CNTNAP2: variants seen among roughly 807,000 people sequenced by gnomAD.
CNTNAP2 encodes the protein contactin-associated protein-like 2.
A neutral mutation model predicts 155.2 loss-of-function variants in CNTNAP2; 98 were observed. The ratio of observed to expected loss-of-function variants is 0.63; its 90% CI spans 0.54 to 0.75. CNTNAP2 has a LOEUF of 0.75. Ranked by LOEUF, CNTNAP2 falls within the 30% of genes least tolerant of loss-of-function variation. The pLI, the probability that CNTNAP2 is intolerant of heterozygous loss-of-function variation, is 0.00. For missense variants in CNTNAP2, 1,727 were observed against 1,688.1 expected, an observed-to-expected ratio of 1.02 and a Z score of -0.40; for synonymous variants, 651 against 631.2, an observed-to-expected ratio of 1.03 and a Z score of -0.47.
chr7:147,346,240 C>T (rs994633569), intron 9 of CNTNAP2, among the ~76,000 whole-genome samples: 31 of 150,390 alleles, frequency 2.1e-4, no homozygotes, highest in Admixed American at 4.0e-4. Flanking sequence ...CTGCAAGCTC[C>T]GCTTCCCGGG....
chr7:146,245,014 G>A (rs990722509), intron 1 of CNTNAP2, among the ~76,000 whole-genome samples: 5 of 152,184 alleles, frequency 3.3e-5, no homozygotes, highest in African/African-American at 7.2e-5. Flanking sequence ...TTATTTCCTT[G>A]AGGATAGATT....
chr7:147,984,464 A>G (rs1801583203), intron 15 of CNTNAP2, among the ~76,000 whole-genome samples: 1 of 152,172 alleles, frequency 6.6e-6, no homozygotes, highest in African/African-American at 2.4e-5. Context: ...TAAGTTTCAG[A>G]GTTCAGACTG....
intron 20 of CNTNAP2, among the ~76,000 whole-genome samples, chr7:148,236,713 C>T (rs1796046649): frequency 1.3e-5 from 2 of 152,200 alleles, no homozygotes; most frequent in Admixed American, 6.5e-5. Flanking sequence ...TTAGTTGGCT[C>T]ACAGTTCTGC....
At chr7:147,923,453 A>G (rs1304525829) in intron 14 of CNTNAP2, among the ~76,000 whole-genome samples, 3 of 152,162 alleles carry the variant, frequency 2.0e-5, no homozygotes, top group Non-Finnish European at 2.9e-5. Context: ...CTGCAACACC[A>G]GAAGCTAAGA....
At chr7:147,905,897 A>G (rs1314656694) in intron 14 of CNTNAP2, among the ~76,000 whole-genome samples, 4 of 150,754 alleles carry the variant, frequency 2.7e-5, no homozygotes, top group African/African-American at 9.8e-5. Context: ...ATCTCAAAAA[A>G]CAAACAAACA....
rs71525992 is a variant in CNTNAP2 at position 147,198,232 on chromosome 7, C to CTTTTTTTT, written c.1348+65737_1348+65744dup. Reference sequence around the variant, plus strand: ...GCCAGCATAGTTGGTTTCCAATATCCTTTTTTTTTTTTTTTTTTTTTGAGA... The same window carrying CTTTTTTTT: ...GCCAGCATAGTTGGTTTCCAATATCCTTTTTTTTTTTTTTTTTTTTTTTTTTTTTGAGA... On this transcript the variant is annotated intron_variant, in intron 8 of 23. Coordinates refer to ENST00000361727, the MANE Select transcript of CNTNAP2 (RefSeq NM_014141.6). 1.1e-3 allele frequency among the ~76,000 whole-genome samples: 129 copies of CTTTTTTTT among 113,078 alleles called. 1 individual carries two copies. Among genetic ancestry groups the CTTTTTTTT allele is most frequent in the African/African-American group, 2.5e-3 (78 of 31,234 alleles). 74.2% of individuals were successfully genotyped at this position (113,078 alleles called of 152,430 possible).
intron 15 of CNTNAP2, among the ~76,000 whole-genome samples, chr7:148,069,984 A>G (rs1803351070): frequency 6.6e-6 from 1 of 152,216 alleles, no homozygotes; most frequent in African/African-American, 2.4e-5. Flanking sequence ...ACAACTGCAT[A>G]AGTAAGCTAT....
chr7:146,989,037 G>C (rs544532411), intron 3 of CNTNAP2, among the ~76,000 whole-genome samples: 26 of 152,204 alleles, frequency 1.7e-4, no homozygotes, highest in African/African-American at 6.0e-4. Flanking sequence ...CTTCTTGTCT[G>C]CCAGATGTTT....
chr7:147,003,038 C>G lies in CNTNAP2; in HGVS notation c.403-40869C>G, dbSNP rs558445399. ...AAGGACTAACAGAAAAGGGTTGTAT[C>G]TCTAGCATTATGAGGAAGAGAAGTC... On this transcript the variant is annotated intron_variant, in intron 3 of 23. Coordinates refer to ENST00000361727, the MANE Select transcript of CNTNAP2 (RefSeq NM_014141.6). 1.4e-4 allele frequency among the ~76,000 whole-genome samples: 21 copies of G among 150,336 alleles called. No individual in the cohort carries two copies. In the South Asian group the frequency reaches 4.5e-3, roughly 32 times the overall value.
In CNTNAP2 at chr7:147,521,676, G is replaced by A. The variant is rs576756195; in HGVS notation, c.1777+35635G>A. Among the ~76,000 whole-genome samples, 139 of 152,176 alleles carry A rather than the reference G, an allele frequency of 9.1e-4. 1 individual carries two copies. Among genetic ancestry groups the A allele is most frequent in the South Asian group, 7.7e-3 (37 of 4,818 alleles). On this transcript the variant is annotated intron_variant, in intron 11 of 23. Coordinates refer to ENST00000361727, the MANE Select transcript of CNTNAP2 (RefSeq NM_014141.6). ...AGTCATTCTCTGCCTGTCTTCACTC[G>A]CCAGGATCAGTGATTTTGAAGGTGG...
chr7:147,821,626 G>A (rs1253626474), intron 13 of CNTNAP2, among the ~76,000 whole-genome samples: 1 of 152,126 alleles, frequency 6.6e-6, no homozygotes, highest in Admixed American at 6.6e-5. Flanking sequence ...TGGAATGCCA[G>A]GAAGGATTCA....
At chr7:146,842,993 A>ATTTTT (rs1257696854) in intron 3 of CNTNAP2, among the ~76,000 whole-genome samples, 5 of 24,208 alleles carry the variant, frequency 2.1e-4, no homozygotes, top group Non-Finnish European at 3.9e-4. Flanking sequence ...CCTGTCCCAC[A>ATTTTT]CTTTTTTTTT....
Position 147,622,117 on chromosome 7 carries a change from G to A in CNTNAP2, c.1898-16989G>A, listed in dbSNP as rs938732061. ...TTTAAATACATATGCATTTAACAGT[G>A]GAGTACCGCGATATATAAAGCAAAT... On this transcript the variant is annotated intron_variant, in intron 12 of 23. Transcript: ENST00000361727. 8.6e-5 allele frequency among the ~76,000 whole-genome samples: 13 copies of A among 151,898 alleles called. No homozygotes were observed. The South Asian group carries it at 2.1e-3, about 24-fold the overall frequency.
rs147510075 is a variant in CNTNAP2, at chr7:146,316,123, A to G, written c.97+199150A>G. Among the ~76,000 whole-genome samples, 16 of 152,254 alleles carry G rather than the reference A, an allele frequency of 1.1e-4. 1 individual carries two copies. Among genetic ancestry groups the G allele is most frequent in the African/African-American group, 3.8e-4 (16 of 41,570 alleles). On this transcript the variant is annotated intron_variant, in intron 1 of 23. Transcript: ENST00000361727. ...GTTAAAAAGGCCATTTGCCTTCTGT[A>G]TTAATTATTTTGTTTATCAAGTCAT...
At chr7:148,193,424 TA>T (rs1795230223) in intron 18 of CNTNAP2, among the ~76,000 whole-genome samples, 1 of 152,212 alleles carries the variant, frequency 6.6e-6, no homozygotes, top group Non-Finnish European at 1.5e-5. Context: ...AATATTTTAA[TA>T]TTTAACATTA....
At chr7:147,650,277 G>A (rs1175868645) in intron 13 of CNTNAP2, among the ~76,000 whole-genome samples, 30 of 152,226 alleles carry the variant, frequency 2.0e-4, no homozygotes. Flanking sequence ...CTAAGATATT[G>A]CTCAGTTATT....
chr7:146,678,194 G>T, intron 1 of CNTNAP2, among the ~76,000 whole-genome samples: 1 of 149,796 alleles, frequency 6.7e-6, no homozygotes, highest in South Asian at 2.1e-4. Flanking sequence ...TCAGCCTCCT[G>T]AGTAGCTGGG....
intron 3 of CNTNAP2, 41 bp from the exon 4 acceptor site, chr7:147,043,866 A>C (rs771891935): frequency 5.0e-6 from 8 of 1,611,836 alleles, no homozygotes; most frequent in Non-Finnish European, 5.9e-6. Context: ...TTGTTTCTAA[A>C]GTATTTTTCC....
intron 1 of CNTNAP2, among the ~76,000 whole-genome samples, chr7:146,768,582 GCTCGAA>G (rs1226959989): frequency 1.3e-5 from 2 of 151,930 alleles, no homozygotes; most frequent in African/African-American, 4.8e-5. Context: ...AGGTAGAGTA[GCTCGAA>G]CTTCAAAAGG....
Sources: gnomAD v4.1 joint callset for allele counts (sites outside exome capture counted in the v4.1 genomes callset) on GRCh38, gnomAD v4.1.1 for gene constraint, MANE v1.5 for transcripts, NCBI Gene and HGNC (gene_info 2026-07-23, HGNC 2026-07-21) for gene names.